The following STAM variants were observed in gnomAD, a reference collection of about 807,000 sequenced individuals.
STAM encodes signal transducing adapter molecule 1.
A neutral mutation model predicts 63.4 loss-of-function variants in STAM; 16 were observed. The ratio of observed to expected loss-of-function variants is 0.25; its 90% CI spans 0.17 to 0.38. The LOEUF (loss-of-function observed/expected upper bound fraction) is 0.38. Ranked by LOEUF, STAM falls within the 10% of genes least tolerant of loss-of-function variation. The probability of loss-of-function intolerance (pLI) is 1.00; values close to 1 mark genes in which losing one functional copy is unlikely to be tolerated. For synonymous variants in STAM, 238 were observed against 223.9 expected, an observed-to-expected ratio of 1.06 and a Z score of -0.56; for missense variants, 636 against 657.1, an observed-to-expected ratio of 0.97 and a Z score of 0.35.
At chr10:17,705,862 G>GT in intron 12 of STAM, 121 bp downstream of exon 12, 1 of 780,314 alleles carries the variant, frequency 1.3e-6, no homozygotes, top group Non-Finnish European at 2.0e-6. Context: ...GAGACCAGGA[G>GT]TTTAAGACCA....
At chr10:17,661,966 A>C (rs1479288217) in intron 2 of STAM, among the ~76,000 whole-genome samples, 4 of 152,146 alleles carry the variant, frequency 2.6e-5, no homozygotes, top group Admixed American at 1.3e-4. Context: ...TTTAATTGAA[A>C]ATTTTTAACT....
intron 2 of STAM, among the ~76,000 whole-genome samples, chr10:17,675,099 T>G (rs566953935): frequency 2.0e-5 from 3 of 152,348 alleles, no homozygotes; most frequent in African/African-American, 7.2e-5. Context: ...CTTAACTGAT[T>G]AGGTAGTCAT....
chr10:17,683,414 G>C (rs1315956846), intron 2 of STAM, among the ~76,000 whole-genome samples: 1 of 151,952 alleles, frequency 6.6e-6, no homozygotes, highest in Non-Finnish European at 1.5e-5. Context: ...TGCCCACCTC[G>C]GCCTCCCAAA....
chr10:17,699,059 A>G (rs891001527), intron 8 of STAM, among the ~76,000 whole-genome samples: 13 of 152,198 alleles, frequency 8.5e-5, no homozygotes, highest in African/African-American at 3.1e-4. Context: ...TACCCAAGTG[A>G]TTGGACTTCA....
In STAM at chr10:17,644,344, C is replaced by G; in HGVS notation, c.5C>G (p.Pro2Arg). 6.2e-7 allele frequency: 1 copy of G among 1,614,156 alleles called. No individual in the cohort carries two copies. Among genetic ancestry groups the G allele is most frequent in the South Asian group, 1.1e-5 (1 of 91,070 alleles). The change falls in exon 1 of 14, where the codon CCT (proline) becomes CGT (arginine). Residue 2 changes from proline to arginine, a missense_variant. Physicochemically the swap from Pro to Arg is moderately radical, Grantham distance 103. Coordinates refer to ENST00000377524, the MANE Select transcript of STAM (RefSeq NM_003473.4). ...ACACCTCGGCACGCAGCGGAGATGC[C>G]TCTTTTTGCCACCAATCCCTTCGAT... Reference protein sequence around the residue: MPLFATNPFDQD... With the variant: MRLFATNPFDQD...
chr10:17,660,082 T>G (rs1834102503), intron 1 of STAM, among the ~76,000 whole-genome samples: 1 of 152,098 alleles, frequency 6.6e-6, no homozygotes, highest in Non-Finnish European at 1.5e-5. Context: ...GCTAAATAAT[T>G]AACTTAATTA....
intron 1 of STAM, among the ~76,000 whole-genome samples, chr10:17,648,015 CGA>C (rs1564523970): frequency 1.6e-3 from 187 of 120,604 alleles, no homozygotes; most frequent in African/African-American, 5.8e-3. Context: ...TCTCAGTAGA[CGA>C]CAACATGATT....
rs80013236 is a variant in STAM, at chr10:17,647,821, C to A, written c.40+3442C>A. On this transcript the variant is annotated intron_variant, in intron 1 of 13. Coordinates refer to ENST00000377524, the MANE Select transcript of STAM (RefSeq NM_003473.4). ...TAATTTCTTAGCTTTAAATACCTAG[C>A]GTATTCTGGTGACTCCTGGATTTAT... Among the ~76,000 whole-genome samples, 568 of 152,248 alleles carry A rather than the reference C, an allele frequency of 3.7e-3. 19 individuals are homozygous for A. In the East Asian group the frequency reaches 0.084, roughly 22 times the overall value.
At chr10:17,673,625 C>T (rs1834728756) in intron 2 of STAM, among the ~76,000 whole-genome samples, 1 of 152,166 alleles carries the variant, frequency 6.6e-6, no homozygotes, top group African/African-American at 2.4e-5. Flanking sequence ...TGGGCCCTGC[C>T]TTCAGCAGCC....
At chr10:17,710,015 A>G (rs892417230) in intron 13 of STAM, among the ~76,000 whole-genome samples, 2 of 148,208 alleles carry the variant, frequency 1.3e-5, no homozygotes, top group African/African-American at 2.5e-5. Flanking sequence ...CCTTCTGGAA[A>G]ATAAACAGCT....
intron 13 of STAM, among the ~76,000 whole-genome samples, chr10:17,713,349 C>T (rs533417757): frequency 2.0e-5 from 3 of 152,300 alleles, no homozygotes; most frequent in Admixed American, 1.3e-4. Context: ...CGTATTTCTC[C>T]TCCGTACTTC....
chr10:17,695,661 C>G (rs61842342), intron 7 of STAM: 19,385 of 153,464 alleles, frequency 0.13, 1,363 homozygotes, highest in African/African-American at 0.18. Flanking sequence ...TGGAATTACA[C>G]ATTTATTCAG....
At chr10:17,647,528 A>G (rs1833566191) in intron 1 of STAM, among the ~76,000 whole-genome samples, 1 of 151,558 alleles carries the variant, frequency 6.6e-6, no homozygotes, top group Non-Finnish European at 1.5e-5. Flanking sequence ...TTAGAGTATT[A>G]GGAAGCAATT....
chr10:17,713,973 C>T (rs1215938778), intron 13 of STAM, among the ~76,000 whole-genome samples: 1 of 152,118 alleles, frequency 6.6e-6, no homozygotes, highest in Admixed American at 6.5e-5. Context: ...CCCTGCGGCC[C>T]CCTCTGCCGC....
Position 17,693,122 on chromosome 10 carries a change from G to A in STAM, c.445-100G>A, listed in dbSNP as rs1835612083. On this transcript the variant is annotated intron_variant, in intron 5 of 13. Transcript: ENST00000377524. ...TTTGGATTTCTTCTTTCAGAAATCT[G>A]TGCTAGATTGATGAGAAAGGTTTTG... is the stretch of plus-strand genomic sequence containing the variant. The A allele has an allele frequency of 6.5e-6, 6 of 922,426 alleles. No individual in the cohort carries two copies. In the Admixed American group the frequency reaches 1.1e-4, roughly 16 times the overall value. The allele number at this position is 922,426 out of a possible 1,614,324, so 57.1% of individuals were successfully genotyped here.
chr10:17,687,679 A>G (rs782520375), intron 4 of STAM, among the ~76,000 whole-genome samples: 31 of 152,330 alleles, frequency 2.0e-4, no homozygotes, highest in Middle Eastern at 3.4e-3. Context: ...GAACTGTATC[A>G]TTTATTCTCT....
intron 5 of STAM, among the ~76,000 whole-genome samples, chr10:17,691,271 C>A (rs1835520272): frequency 6.6e-6 from 1 of 152,154 alleles, no homozygotes; most frequent in Non-Finnish European, 1.5e-5. Context: ...GTAATCCTAG[C>A]ACTTTGGGAG....
chr10:17,656,323 C>T (rs570250395), intron 1 of STAM, among the ~76,000 whole-genome samples: 95 of 150,360 alleles, frequency 6.3e-4, no homozygotes, highest in Non-Finnish European at 1.1e-3. Context: ...AAGATAGTTT[C>T]AGATAGCTTG....
chr10:17,688,060 C>A lies in STAM; in HGVS notation c.331C>A (p.Leu111Ile), dbSNP rs1255629229. The A allele has an allele frequency of 6.2e-7, 1 of 1,603,868 alleles. No homozygotes were observed. Among genetic ancestry groups the A allele is most frequent in the East Asian group, 2.2e-5 (1 of 44,526 alleles). Reference sequence around the variant, plus strand: ...TAAAGTATGTGAAAAATTAAAGGCTCTTATGGTTGAATGGACAGATGAATT... The same window carrying A: ...TAAAGTATGTGAAAAATTAAAGGCTATTATGGTTGAATGGACAGATGAATT... ...HPKVCEKLKA[L>I]MVEWTDEFKN... is the part of the protein sequence containing the mutation. Residue 111 changes from leucine (L) to isoleucine (I), a missense_variant, in exon 5 of 14, where the codon CTT becomes ATT. This residue lies in a region of STAM where 532 missense variants were observed against 536.9 expected (regional missense o/e 0.99). Coordinates refer to ENST00000377524, the MANE Select transcript of STAM (RefSeq NM_003473.4).
Sources: gnomAD v4.1 joint callset for allele counts (sites outside exome capture counted in the v4.1 genomes callset) on GRCh38, gnomAD v4.1.1 for gene constraint, gnomAD v4.1.1 regional missense constraint, MANE v1.5 for transcripts, NCBI Gene and HGNC (gene_info 2026-07-23, HGNC 2026-07-21) for gene names.